Variants in MEGF11 observed in about 807,000 individuals in gnomAD.
MEGF11 encodes multiple EGF like domains 11.
In MEGF11, 126 loss-of-function variants were observed where a neutral mutation model predicts 146.6. That is an observed-to-expected ratio of 0.86 (90% CI 0.74 to 1.00). MEGF11 has a LOEUF of 1.00. Ranked by LOEUF, MEGF11 falls within the 50% of genes least tolerant of loss-of-function variation. The pLI is 0.00. For missense variants in MEGF11, 1,509 were observed against 1,521.2 expected (o/e 0.99, Z 0.13); for synonymous variants, 532 against 583.4 (o/e 0.91, Z 1.27).
rs1441152661 is a variant in MEGF11 at position 65,922,916 on chromosome 15, C to T, written c.1729G>A (p.Val577Ile). 4 of 1,613,280 alleles carry T rather than the reference C, an allele frequency of 2.5e-6. No homozygotes were observed. Among genetic ancestry groups the T allele is most frequent in the Non-Finnish European group, 3.4e-6 (4 of 1,179,760 alleles). ...PPGRWGPNCSVSCSCENGGSC... is the reference protein window; with the variant it reads ...PPGRWGPNCSISCSCENGGSC... ...CCTCCATTCTCACAGCTGCAGGAGA[C>T]AGAGCAGTTGGGGCCCCAGCGGCCA... Residue 577 changes from valine to isoleucine, a missense_variant, in exon 14 of 26, where the codon GTC (valine) becomes ATC (isoleucine). Physicochemically the swap from Val to Ile is conservative, Grantham distance 29 (BLOSUM62 3). Coordinates refer to ENST00000395614, the MANE Select transcript of MEGF11 (RefSeq NM_001385028.1).
intron 1 of MEGF11, among the ~76,000 whole-genome samples, chr15:66,224,684 T>C (rs959603720): frequency 6.8e-6 from 1 of 146,386 alleles, no homozygotes; most frequent in African/African-American, 2.5e-5. Flanking sequence ...ATATATAATA[T>C]ATAAAGTATA....
At chr15:66,069,205 T>C (rs2085265251) in intron 5 of MEGF11, among the ~76,000 whole-genome samples, 1 of 152,214 alleles carries the variant, frequency 6.6e-6, no homozygotes, top group Non-Finnish European at 1.5e-5. Context: ...TCCCTTACCG[T>C]CCAAGTCTGT....
chr15:66,113,725 C>CA (rs1822308693), intron 4 of MEGF11, among the ~76,000 whole-genome samples: 1 of 152,034 alleles, frequency 6.6e-6, no homozygotes, highest in South Asian at 2.1e-4. Context: ...ACTAAAAATA[C>CA]AAAAAATTAG....
intron 8 of MEGF11, among the ~76,000 whole-genome samples, chr15:65,968,489 G>A (rs889061580): frequency 6.6e-6 from 1 of 152,094 alleles, no homozygotes; most frequent in African/African-American, 2.4e-5. Flanking sequence ...ATATTTTTGG[G>A]GTGCCTGGAT....
chr15:66,111,577 G>A (rs1022361331), intron 4 of MEGF11, among the ~76,000 whole-genome samples: 5 of 152,344 alleles, frequency 3.3e-5, no homozygotes, highest in South Asian at 2.1e-4. Flanking sequence ...CACCCCCAGC[G>A]CAGGCTGGGA....
chr15:65,918,024 G>C lies in MEGF11; in HGVS notation c.2028C>G (p.Ser676Arg). The C allele has an allele frequency of 1.9e-6, 3 of 1,614,000 alleles. No individual in the cohort carries two copies. The highest frequency in any genetic ancestry group is 2.5e-6 in the Non-Finnish European group (3 of 1,179,882). Reference sequence around the variant, plus strand: ...AGCACTGGCAGGAGCCATCGATAGGGCTGCAGGTCCCGTTGTTGGCACAGG... The same window carrying C: ...AGCACTGGCAGGAGCCATCGATAGGCCTGCAGGTCCCGTTGTTGGCACAGG... ...LCSCANNGTC[S>R]PIDGSCQCFP... Residue 676 changes from serine to arginine, a missense_variant, in exon 16 of 26, where the codon AGC becomes AGG. Physicochemically the swap from Ser to Arg is moderately radical, Grantham distance 110. Coordinates refer to ENST00000395614, the MANE Select transcript of MEGF11 (RefSeq NM_001385028.1).
chr15:65,956,055 C>T (rs190620276), intron 10 of MEGF11, among the ~76,000 whole-genome samples: 34 of 152,088 alleles, frequency 2.2e-4, no homozygotes, highest in Non-Finnish European at 4.3e-4. Flanking sequence ...ACAAGAATTC[C>T]CTGTGGATCA....
intron 1 of MEGF11, among the ~76,000 whole-genome samples, chr15:66,249,597 T>C (rs1403834825): frequency 6.6e-6 from 1 of 152,182 alleles, no homozygotes; most frequent in Non-Finnish European, 1.5e-5. Flanking sequence ...GGGATGTACA[T>C]AGCAAGTCTT....
intron 1 of MEGF11, among the ~76,000 whole-genome samples, chr15:66,141,289 TGAGA>T (rs1169589606): frequency 2.3e-4 from 23 of 101,252 alleles, no homozygotes; most frequent in African/African-American, 8.9e-4. Context: ...TGTGTGTGTG[TGAGA>T]GAGAGAGAGA....
In MEGF11 at chr15:65,897,628, A is replaced by AG. The variant is rs34363188; in HGVS notation, c.*305_*306insC. ...GTTTTTAAAATATCACGTTTCAGAT[A>AG]AATATATATATATATATCAGCTATA... On this transcript the variant is annotated 3_prime_UTR_variant, in exon 26 of 26. Coordinates refer to ENST00000395614, the MANE Select transcript of MEGF11 (RefSeq NM_001385028.1). 0.061 allele frequency: 11,089 copies of AG among 182,742 alleles called. 469 individuals are homozygous for AG. The highest frequency in any genetic ancestry group is 0.087 in the Non-Finnish European group (7,717 of 88,552). 11.3% of individuals were successfully genotyped at this position (182,742 alleles called of 1,614,324 possible). A position where few individuals can be genotyped will look rare whatever the true frequency, so the allele number is the denominator to read the frequency against.
intron 1 of MEGF11, among the ~76,000 whole-genome samples, chr15:66,171,752 C>T (rs1013588714): frequency 2.6e-5 from 4 of 151,342 alleles, no homozygotes; most frequent in Admixed American, 6.6e-5. Context: ...CACTACCATG[C>T]GCATTTTCCT....
intron 1 of MEGF11, among the ~76,000 whole-genome samples, chr15:66,214,066 A>C: frequency 8.5e-6 from 1 of 117,940 alleles, no homozygotes; most frequent in African/African-American, 3.4e-5. Flanking sequence ...ATGGAGTCTC[A>C]CTCTTGTTGC....
At chr15:66,148,281 G>T (rs2089447388) in intron 1 of MEGF11, among the ~76,000 whole-genome samples, 1 of 152,160 alleles carries the variant, frequency 6.6e-6, no homozygotes, top group African/African-American at 2.4e-5. Flanking sequence ...AGATTGAACT[G>T]AAAAATGAGC....
intron 5 of MEGF11, among the ~76,000 whole-genome samples, chr15:66,017,238 T>C (rs1360406128): frequency 6.6e-6 from 1 of 152,210 alleles, no homozygotes; most frequent in Non-Finnish European, 1.5e-5. Flanking sequence ...ATGGTCAGGA[T>C]GACAGGCAGC....
At chr15:66,134,395 T>A (rs994125649) in intron 1 of MEGF11, among the ~76,000 whole-genome samples, 1 of 152,062 alleles carries the variant, frequency 6.6e-6, no homozygotes, top group Admixed American at 6.5e-5. Context: ...ATTATCTCCA[T>A]CTTTCCATTT....
At chr15:66,129,324 G>A (rs555652880) in intron 1 of MEGF11, among the ~76,000 whole-genome samples, 1 of 152,314 alleles carries the variant, frequency 6.6e-6, no homozygotes, top group Non-Finnish European at 1.5e-5. Flanking sequence ...CGACCTGGTG[G>A]GTCGCTGACC....
intron 1 of MEGF11, among the ~76,000 whole-genome samples, chr15:66,240,973 C>T (rs181229695): frequency 6.6e-6 from 1 of 152,294 alleles, no homozygotes; most frequent in East Asian, 1.9e-4. Context: ...AGCCCAGCCC[C>T]GTGGCCCCTC....
chr15:66,144,100 G>A (rs1310711529), intron 1 of MEGF11, among the ~76,000 whole-genome samples: 3 of 152,196 alleles, frequency 2.0e-5, no homozygotes, highest in African/African-American at 7.2e-5. Context: ...TCTCGTTCCT[G>A]CTCCCAGCAC....
intron 4 of MEGF11, among the ~76,000 whole-genome samples, chr15:66,113,454 AG>A (rs1023015905): frequency 6.6e-6 from 1 of 152,198 alleles, no homozygotes; most frequent in Admixed American, 6.5e-5. Context: ...GTCGACCAAA[AG>A]GAAACAGGAG....
Sources: allele counts gnomAD v4.1 joint callset (sites outside exome capture counted in the v4.1 genomes callset), GRCh38; gene constraint gnomAD v4.1.1; transcripts MANE v1.5; gene names NCBI Gene and HGNC (gene_info 2026-07-23, HGNC 2026-07-21).